RUFY4: variants seen among roughly 807,000 people sequenced by gnomAD.
RUFY4 encodes RUN and FYVE domain-containing protein 4.
Under a neutral mutation model 69.0 loss-of-function variants are expected in RUFY4, and 73 were observed. The ratio of observed to expected loss-of-function variants is 1.06; its 90% CI spans 0.88 to 1.29. The LOEUF (loss-of-function observed/expected upper bound fraction) is 1.29, where lower values mean the gene tolerates loss of function less well. RUFY4 is among the 50% of genes most tolerant of loss of function. The pLI is 0.00. For synonymous variants in RUFY4, 287 were observed against 271.8 expected (o/e 1.06, Z -0.55); for missense variants, 770 against 705.6 (o/e 1.09, Z -1.03).
At chr2:218,070,532 T>G (rs1689461504) in exon 1 of RUFY4, 1 of 1,274,114 alleles carries the variant, frequency 7.8e-7, no homozygotes, top group Non-Finnish European at 1.1e-6. Context: ...AGGAGAGAGC[T>G]GGGCAGTGAG....
chr2:218,047,797 C>T (rs771689027), intron 2 of RUFY4, among the ~76,000 whole-genome samples: 22 of 152,166 alleles, frequency 1.4e-4, no homozygotes, highest in African/African-American at 3.9e-4. Context: ...CTTAAACTTA[C>T]GTTTATTTAG....
chr2:218,054,918 T>C (rs1479501380), intron 2 of RUFY4, among the ~76,000 whole-genome samples: 2 of 152,220 alleles, frequency 1.3e-5, no homozygotes, highest in African/African-American at 4.8e-5. Flanking sequence ...TATGACAATA[T>C]AGTTATTCAC....
chr2:218,055,247 T>C (rs1689036421), intron 2 of RUFY4, among the ~76,000 whole-genome samples: 1 of 151,912 alleles, frequency 6.6e-6, no homozygotes, highest in Admixed American at 6.6e-5. Context: ...ATACAAGAAT[T>C]AGCCAGGCGT....
At chr2:218,036,031 C>A (rs1958972420) in intron 2 of RUFY4, among the ~76,000 whole-genome samples, 1 of 152,164 alleles carries the variant, frequency 6.6e-6, no homozygotes, top group Non-Finnish European at 1.5e-5. Flanking sequence ...GAACACAGGC[C>A]CTGTGGGCAC....
intron 3 of RUFY4, chr2:218,060,364 G>A: frequency 6.5e-7 from 1 of 1,546,532 alleles, no homozygotes; most frequent in Non-Finnish European, 8.7e-7. Context: ...AGTGTGCCCT[G>A]AAGAAGAGCC....
rs1333410575 is a variant in RUFY4, at chr2:218,082,614, ATG to A, written c.1356-486_1356-485del. Among the ~76,000 whole-genome samples the A allele has an allele frequency of 2.6e-5, 4 of 151,996 alleles. No individual in the cohort carries two copies. The East Asian group carries it at 7.7e-4, about 29-fold the overall frequency. On this transcript the variant is annotated intron_variant, in intron 8 of 10. Transcript: ENST00000344321. ...GTTCAGTGTGTGGTGTGTATATTGT[ATG>A]TGTGTGTGTAAACGCACATACATTG...
intron 9 of RUFY4, among the ~76,000 whole-genome samples, chr2:218,085,970 A>C (rs759580274): frequency 3.2e-4 from 48 of 152,356 alleles, no homozygotes; most frequent in Non-Finnish European, 5.9e-4. Context: ...AGAGTCTAGA[A>C]TATAAAGGGA....
chr2:218,075,020 T>C, intron 6 of RUFY4, 73 bp from the exon 9 acceptor site: 2 of 1,405,570 alleles, frequency 1.4e-6, no homozygotes. Context: ...ATTAGCACTG[T>C]GGCCTAATCT....
At chr2:218,049,811 T>C (rs1413530453) in intron 2 of RUFY4, among the ~76,000 whole-genome samples, 5 of 152,158 alleles carry the variant, frequency 3.3e-5, no homozygotes, top group Non-Finnish European at 5.9e-5. Context: ...CCCAGCTAGG[T>C]CCTTTCTTTA....
chr2:218,089,773 C>T, intron 10 of RUFY4, 179 bp from the exon 13 acceptor site: 1 of 709,010 alleles, frequency 1.4e-6, no homozygotes, highest in East Asian at 2.7e-5. Flanking sequence ...GGTCGGGCAT[C>T]AGGACACCCT....
chr2:218,089,494 T>G (rs1412020957), intron 10 of RUFY4, 132 bp downstream of exon 12: 1 of 691,170 alleles, frequency 1.4e-6, no homozygotes, highest in Non-Finnish European at 2.5e-6. Flanking sequence ...AGCTGACTAC[T>G]CATTCTACCA....
In RUFY4 at chr2:218,062,174, C is replaced by T. The variant is rs568258353; in HGVS notation, c.-1071+3493C>T. Among the ~76,000 whole-genome samples the T allele has an allele frequency of 4.6e-5, 7 of 152,078 alleles. No individual in the cohort carries two copies. In the South Asian group the frequency reaches 1.0e-3, roughly 23 times the overall value. The stretch of plus-strand genomic sequence containing the variant: ...CAGCACTTCGGGAGGCCGAGGTGGG[C>T]GGATCACAAGGTCAGGAGATCAAAA... On this transcript the variant is annotated intron_variant and NMD_transcript_variant, in intron 3 of 13. Transcript: ENST00000457754.
chr2:218,062,783 C>T (rs887589180), intron 3 of RUFY4, among the ~76,000 whole-genome samples: 1 of 152,082 alleles, frequency 6.6e-6, no homozygotes, highest in African/African-American at 2.4e-5. Flanking sequence ...CCTGATTCTC[C>T]CCATGGGTAG....
In RUFY4 at chr2:218,038,630, C is replaced by T. The variant is rs141376851; in HGVS notation, c.-1158+3236C>T. On this transcript the variant is annotated intron_variant and NMD_transcript_variant, in intron 2 of 13. Coordinates refer to the RUFY4 transcript ENST00000457754. Reference sequence around the variant, plus strand: ...TGTTATCAGTGAAGAGTGCCCTCAGCGGCTAGTAACAAAAATCTGACTCCC... The same window carrying T: ...TGTTATCAGTGAAGAGTGCCCTCAGTGGCTAGTAACAAAAATCTGACTCCC... Among the ~76,000 whole-genome samples the T allele has an allele frequency of 2.7e-3, 411 of 152,236 alleles. 5 individuals carry two copies. Among genetic ancestry groups the T allele is most frequent in the African/African-American group, 9.1e-3 (377 of 41,528 alleles).
chr2:218,067,636 T>G (rs1689374463), upstream of RUFY4, among the ~76,000 whole-genome samples: 1 of 152,070 alleles, frequency 6.6e-6, no homozygotes, highest in Non-Finnish European at 1.5e-5. Flanking sequence ...ACAGGCAAGC[T>G]CCAGGCTCTC....
chr2:218,060,842 G>A (rs765644273), intron 3 of RUFY4: 9 of 1,545,734 alleles, frequency 5.8e-6, no homozygotes, highest in Non-Finnish European at 8.0e-6. Flanking sequence ...AGCAGACTGG[G>A]CTAACATTGG....
chr2:218,061,141 G>A (rs544647712), intron 3 of RUFY4: 79 of 467,594 alleles, frequency 1.7e-4, no homozygotes, highest in South Asian at 5.9e-4. Context: ...AGAACAGGTC[G>A]GCCAAGGCCA....
chr2:218,060,483 G>C (rs1689156198), intron 3 of RUFY4: 3 of 1,330,148 alleles, frequency 2.3e-6, no homozygotes, highest in Admixed American at 1.7e-5. Flanking sequence ...TGAAGGCGTA[G>C]ATGAGGGGAT....
At chr2:218,039,249 G>A (rs892841104) in intron 2 of RUFY4, among the ~76,000 whole-genome samples, 2 of 152,140 alleles carry the variant, frequency 1.3e-5, no homozygotes, top group East Asian at 1.9e-4. Flanking sequence ...TGACATTTGT[G>A]GTAGGGCAAG....
Sources: gnomAD v4.1 joint callset for allele counts (sites outside exome capture counted in the v4.1 genomes callset) on GRCh38, gnomAD v4.1.1 for gene constraint, MANE v1.5 for transcripts, NCBI Gene and HGNC (gene_info 2026-07-23, HGNC 2026-07-21) for gene names.